The following ERC2 variants were observed in gnomAD, a reference collection of about 807,000 sequenced individuals.
ERC2 encodes ELKS/RAB6-interacting/CAST family member 2.
Under a neutral mutation model 114.8 loss-of-function variants are expected in ERC2, and 42 were observed. The ratio of observed to expected loss-of-function variants is 0.37; its 90% CI spans 0.29 to 0.47. The LOEUF (loss-of-function observed/expected upper bound fraction) is 0.47, where lower values mean the gene tolerates loss of function less well. ERC2 is among the 20% of genes least tolerant of loss of function. The pLI is 0.99. For missense variants in ERC2, 939 were observed against 1,150.7 expected, an observed-to-expected ratio of 0.82 and a Z score of 2.66; for synonymous variants, 454 against 425.5, an observed-to-expected ratio of 1.07 and a Z score of -0.82.
chr3:55,657,488 C>T (rs1372788801), intron 17 of ERC2: 2 of 152,212 alleles, frequency 1.3e-5, no homozygotes, highest in Non-Finnish European at 2.9e-5. Flanking sequence ...CAGGGTCTCA[C>T]TCTGTCGCCT....
intron 11 of ERC2, among the ~76,000 whole-genome samples, chr3:55,990,016 T>C (rs900798331): frequency 6.6e-6 from 1 of 152,182 alleles, no homozygotes; most frequent in African/African-American, 2.4e-5. Context: ...CTTTTCAAGA[T>C]CTCAGTTTCC....
At chr3:56,216,965 T>G (rs147191243) in intron 3 of ERC2, among the ~76,000 whole-genome samples, 4,460 of 152,208 alleles carry the variant, frequency 0.029, 224 homozygotes, top group African/African-American at 0.1. Flanking sequence ...AAACTCTCAA[T>G]AAATTAGGTA....
chr3:56,157,233 C>T (rs1392498892), intron 4 of ERC2, among the ~76,000 whole-genome samples: 2 of 152,168 alleles, frequency 1.3e-5, no homozygotes, highest in Non-Finnish European at 2.9e-5. Flanking sequence ...AGAATGTATG[C>T]TATTCTGGTT....
intron 2 of ERC2, among the ~76,000 whole-genome samples, chr3:56,319,877 T>C (rs1027099815): frequency 2.4e-4 from 36 of 151,836 alleles, no homozygotes; most frequent in Non-Finnish European, 5.1e-4. Context: ...CCACACAGAA[T>C]CCCAGAGATC....
intron 14 of ERC2, among the ~76,000 whole-genome samples, chr3:55,828,483 G>GGGGCAGCAGGGGCAGCAGGCGCAGCAA (rs2060428425): frequency 6.6e-6 from 1 of 152,094 alleles, no homozygotes; most frequent in African/African-American, 2.4e-5. Context: ...AGGGGCAGCA[G>GGGGCAGCAGGGGCAGCAGGCGCAGCAA]GGGCAGCAGG....
rs1005314059 is a variant in ERC2, at chr3:55,895,958, G to A, written c.2404-7409C>T. Among the ~76,000 whole-genome samples, 7 of 152,162 alleles carry A rather than the reference G, an allele frequency of 4.6e-5. No homozygotes were observed. The East Asian group carries it at 5.8e-4, about 13-fold the overall frequency. On this transcript the variant is annotated intron_variant, in intron 13 of 17. Coordinates refer to ENST00000288221, the MANE Select transcript of ERC2 (RefSeq NM_015576.3). Reference sequence around the variant, plus strand: ...CTGAAAGGATGGAGGCCCTATGTTCGCTGCCACCCCAGCAGCCGCCTGGAG... The same window carrying A: ...CTGAAAGGATGGAGGCCCTATGTTCACTGCCACCCCAGCAGCCGCCTGGAG...
intron 1 of ERC2, among the ~76,000 whole-genome samples, chr3:56,453,806 C>A (rs1015977085): frequency 6.6e-6 from 1 of 152,142 alleles, no homozygotes; most frequent in African/African-American, 2.4e-5. Flanking sequence ...CTGGAAAAGC[C>A]GAAAGGAGGA....
intron 13 of ERC2, among the ~76,000 whole-genome samples, chr3:55,936,659 G>A (rs2066464312): frequency 6.6e-6 from 1 of 152,192 alleles, no homozygotes; most frequent in Admixed American, 6.5e-5. Flanking sequence ...TGTTCCAAGG[G>A]CAGGGAGGGT....
chr3:56,156,831 A>G (rs1397248204), intron 4 of ERC2, among the ~76,000 whole-genome samples: 1 of 152,170 alleles, frequency 6.6e-6, no homozygotes, highest in Non-Finnish European at 1.5e-5. Context: ...AGTGAGCAAA[A>G]AACTACTGAT....
At chr3:55,524,594 G>A (rs558783752) in intron 17 of ERC2, among the ~76,000 whole-genome samples, 2 of 151,992 alleles carry the variant, frequency 1.3e-5, no homozygotes, top group South Asian at 4.2e-4. Context: ...GAAGACTTGG[G>A]AAGAAATCCT....
At chr3:56,207,916 A>C (rs1253984105) in intron 3 of ERC2, among the ~76,000 whole-genome samples, 1 of 152,122 alleles carries the variant, frequency 6.6e-6, no homozygotes, top group Non-Finnish European at 1.5e-5. Context: ...TTCCCCAATC[A>C]CCATAAGCTG....
intron 15 of ERC2, among the ~76,000 whole-genome samples, chr3:55,714,263 T>A (rs1044883280): frequency 6.6e-6 from 1 of 152,156 alleles, no homozygotes; most frequent in African/African-American, 2.4e-5. Context: ...CAAGGGCAAT[T>A]TGGCACTAGG....
intron 17 of ERC2, among the ~76,000 whole-genome samples, chr3:55,558,231 G>A (rs962938437): frequency 6.6e-6 from 1 of 152,172 alleles, no homozygotes; most frequent in Non-Finnish European, 1.5e-5. Context: ...ACTATTAATA[G>A]GTAGAACAAT....
chr3:55,613,701 G>A (rs528543755), intron 17 of ERC2, among the ~76,000 whole-genome samples: 13 of 152,196 alleles, frequency 8.5e-5, no homozygotes, highest in South Asian at 8.3e-4. Context: ...GGCTGTGGCC[G>A]GGCGTGGTGG....
rs183791547 is a variant in ERC2 at position 55,648,478 on chromosome 3, G to A, written c.*39+35316C>T. Reference sequence around the variant, plus strand: ...GCACATGCTAAGTGCTCAATAAACAGCAGGCATTAGGATGAGGATGACAGT... The same window carrying A: ...GCACATGCTAAGTGCTCAATAAACAACAGGCATTAGGATGAGGATGACAGT... On this transcript the variant is annotated intron_variant, in intron 17 of 17. Coordinates refer to ENST00000288221, the MANE Select transcript of ERC2 (RefSeq NM_015576.3). Among the ~76,000 whole-genome samples the A allele has an allele frequency of 2.6e-4, 39 of 152,312 alleles. 1 individual carries two copies. In the East Asian group the frequency reaches 7.4e-3, roughly 29 times the overall value.
At chr3:55,551,251 G>T (rs993891100) in intron 17 of ERC2, among the ~76,000 whole-genome samples, 1 of 151,744 alleles carries the variant, frequency 6.6e-6, no homozygotes, top group Non-Finnish European at 1.5e-5. Flanking sequence ...TGCTGGGCAC[G>T]GTGGCTCATG....
chr3:55,781,016 G>A (rs1575582405), intron 14 of ERC2, among the ~76,000 whole-genome samples: 1 of 152,192 alleles, frequency 6.6e-6, no homozygotes, highest in Non-Finnish European at 1.5e-5. Flanking sequence ...AGTGACATCC[G>A]GGGCCTTAGC....
At chr3:56,280,137 T>C (rs754371686) in intron 3 of ERC2, among the ~76,000 whole-genome samples, 21 of 152,100 alleles carry the variant, frequency 1.4e-4, no homozygotes, top group Non-Finnish European at 2.9e-4. Context: ...TAAAGAAATT[T>C]GAAAATGTTT....
intron 15 of ERC2, among the ~76,000 whole-genome samples, chr3:55,730,843 T>C (rs920025282): frequency 4.6e-5 from 7 of 152,138 alleles, no homozygotes; most frequent in African/African-American, 1.7e-4. Context: ...AGTGAGACCA[T>C]GTCTTGAAAA....
Sources: gnomAD v4.1 joint callset for allele counts (sites outside exome capture counted in the v4.1 genomes callset) on GRCh38, gnomAD v4.1.1 for gene constraint, MANE v1.5 for transcripts, NCBI Gene and HGNC (gene_info 2026-07-23, HGNC 2026-07-21) for gene names.